MTUS1: variants seen among roughly 807,000 people sequenced by gnomAD.
MTUS1 encodes microtubule-associated tumor suppressor 1.
A neutral mutation model predicts 120.8 loss-of-function variants in MTUS1; 109 were observed. The ratio of observed to expected loss-of-function variants is 0.90; its 90% CI spans 0.77 to 1.06. The LOEUF (loss-of-function observed/expected upper bound fraction) is 1.06. Among genes scored for constraint, MTUS1 ranks in the 50% least tolerant of loss-of-function variants. MTUS1 has a pLI of 0.00. For synonymous variants in MTUS1, 737 were observed against 550.5 expected (o/e 1.34, Z -4.74); for missense variants, 2,210 against 1,486.3 (o/e 1.49, Z -8.01).
chr8:17,673,197 A>C (rs1166546973), intron 8 of MTUS1, among the ~76,000 whole-genome samples: 1 of 152,246 alleles, frequency 6.6e-6, no homozygotes, highest in Non-Finnish European at 1.5e-5. Flanking sequence ...CAAGTTAAGT[A>C]ACATGGCAGA....
intron 4 of MTUS1, chr8:17,722,342 G>T: frequency 1.0e-6 from 1 of 967,614 alleles, no homozygotes; most frequent in African/African-American, 1.8e-5. Flanking sequence ...GAGCATGTTG[G>T]TGATTCTGTT....
intron 1 of MTUS1, among the ~76,000 whole-genome samples, chr8:17,795,062 G>C (rs561091138): frequency 7.2e-5 from 11 of 152,292 alleles, no homozygotes; most frequent in African/African-American, 2.4e-4. Context: ...ATAAGGTGAA[G>C]AAATATTGAT....
chr8:17,800,142 C>A (rs948210361), intron 1 of MTUS1, among the ~76,000 whole-genome samples: 1 of 152,162 alleles, frequency 6.6e-6, no homozygotes, highest in African/African-American at 2.4e-5. Flanking sequence ...TTAAAGAGGT[C>A]ACTGGTTCCC....
chr8:17,783,022 G>A (rs925333975), intron 1 of MTUS1, among the ~76,000 whole-genome samples: 2 of 152,194 alleles, frequency 1.3e-5, no homozygotes, highest in Admixed American at 6.5e-5. Flanking sequence ...AGTTTGCAGT[G>A]AGCCAAGATC....
At chr8:17,694,574 A>AGCAGAATTGCTT (rs1180700911) in intron 6 of MTUS1, among the ~76,000 whole-genome samples, 1 of 152,104 alleles carries the variant, frequency 6.6e-6, no homozygotes, top group Non-Finnish European at 1.5e-5. Flanking sequence ...AGGCTGAGGC[A>AGCAGAATTGCTT]GCAGAATTGC....
At chr8:17,723,922 TAAC>T in intron 3 of MTUS1, 89 bp from the exon 4 acceptor site, 1 of 1,072,604 alleles carries the variant, frequency 9.3e-7, no homozygotes, top group Non-Finnish European at 1.3e-6. Context: ...ACTTCTGCAC[TAAC>T]AACAAAGTCA....
chr8:17,797,598 G>A (rs1434635185), intron 1 of MTUS1, among the ~76,000 whole-genome samples: 1 of 151,992 alleles, frequency 6.6e-6, no homozygotes, highest in Admixed American at 6.6e-5. Context: ...TTTCCTGTGG[G>A]TGGGATCGCT....
At chr8:17,713,872 A>G (rs1780437812) in intron 5 of MTUS1, among the ~76,000 whole-genome samples, 4 of 152,190 alleles carry the variant, frequency 2.6e-5, no homozygotes, top group African/African-American at 9.6e-5. Flanking sequence ...TACAGAGATG[A>G]TGATCTCTTA....
At chr8:17,704,918 A>G (rs1819853300) in intron 6 of MTUS1, among the ~76,000 whole-genome samples, 1 of 152,200 alleles carries the variant, frequency 6.6e-6, no homozygotes, top group African/African-American at 2.4e-5. Flanking sequence ...AGAGCTCTAC[A>G]CAGAGTATGT....
chr8:17,673,119 T>C (rs1215462712), intron 8 of MTUS1, among the ~76,000 whole-genome samples: 3 of 152,186 alleles, frequency 2.0e-5, no homozygotes, highest in African/African-American at 7.2e-5. Flanking sequence ...ACTCTGTTAA[T>C]TATGTTATTT....
intron 12 of MTUS1, chr8:17,651,875 C>A (rs1212747162): frequency 6.6e-6 from 1 of 152,030 alleles, no homozygotes; most frequent in Non-Finnish European, 1.5e-5. Context: ...AAAGTTTATA[C>A]CCTGCATATC....
At chr8:17,679,801 C>A (rs1377785155) in intron 7 of MTUS1, among the ~76,000 whole-genome samples, 1 of 152,124 alleles carries the variant, frequency 6.6e-6, no homozygotes, top group African/African-American at 2.4e-5. Context: ...CCATGCCTAG[C>A]CTCCAACTGT....
intron 6 of MTUS1, among the ~76,000 whole-genome samples, chr8:17,693,927 T>A (rs953872015): frequency 6.6e-6 from 1 of 152,134 alleles, no homozygotes; most frequent in Non-Finnish European, 1.5e-5. Flanking sequence ...TGAAAGACAG[T>A]CTAGAAGCAA....
chr8:17,657,644 C>A (rs1444396089), intron 8 of MTUS1, among the ~76,000 whole-genome samples: 1 of 132,574 alleles, frequency 7.5e-6, no homozygotes, highest in Non-Finnish European at 1.6e-5. Flanking sequence ...CATAGGGAAA[C>A]CCATCTCTTA....
At chr8:17,793,543 T>A (rs558515783) in intron 1 of MTUS1, among the ~76,000 whole-genome samples, 63 of 152,124 alleles carry the variant, frequency 4.1e-4, no homozygotes, top group Non-Finnish European at 6.2e-4. Flanking sequence ...CCAGACCACA[T>A]CTGGGAGAAA....
At chr8:17,669,099 A>T (rs2130558108) in intron 8 of MTUS1, among the ~76,000 whole-genome samples, 2 of 152,332 alleles carry the variant, frequency 1.3e-5, no homozygotes, top group Admixed American at 1.3e-4. Context: ...GCCCTTGAAG[A>T]GTTCCTAATT....
chr8:17,765,166 G>A (rs757627532), intron 1 of MTUS1, among the ~76,000 whole-genome samples: 5 of 152,244 alleles, frequency 3.3e-5, no homozygotes, highest in African/African-American at 4.8e-5. Context: ...TGATGCTGTC[G>A]CTAACATGAC....
At chr8:17,701,415 T>C (rs957865492) in intron 6 of MTUS1, among the ~76,000 whole-genome samples, 17 of 152,174 alleles carry the variant, frequency 1.1e-4, no homozygotes, top group Non-Finnish European at 7.4e-5. Context: ...ACCTGTAAGA[T>C]GATAAGCTCT....
intron 1 of MTUS1, among the ~76,000 whole-genome samples, chr8:17,792,496 T>A (rs2051876868): frequency 6.6e-6 from 1 of 152,240 alleles, no homozygotes; most frequent in Non-Finnish European, 1.5e-5. Context: ...TTTCATTAAC[T>A]GACCCTACTC....
Sources: allele counts gnomAD v4.1 joint callset (sites outside exome capture counted in the v4.1 genomes callset), GRCh38; gene constraint gnomAD v4.1.1; transcripts MANE v1.5; gene names NCBI Gene and HGNC (gene_info 2026-07-23, HGNC 2026-07-21).